C1orf232: variants seen among roughly 807,000 people sequenced by gnomAD.
The protein encoded by C1orf232 is chromosome 1 open reading frame 230.
A neutral mutation model predicts 12.1 loss-of-function variants in C1orf232; 10 were observed. The observed-to-expected ratio is 0.82, with a 90% CI of 0.51 to 1.40. C1orf232 has a LOEUF of 1.40. C1orf232 is among the 40% of genes most tolerant of loss of function. The pLI is 0.00. For missense variants in C1orf232, 88 were observed against 98.4 expected (o/e 0.89, Z 0.45); for synonymous variants, 36 against 39.8 (o/e 0.90, Z 0.36).
Position 26,164,660 on chromosome 1 carries a change from G to A in C1orf232, c.267-205C>T, listed in dbSNP as rs2088406311. Among the ~76,000 whole-genome samples the A allele has an allele frequency of 6.6e-6, 1 of 152,128 alleles. No homozygotes were observed. Among genetic ancestry groups the A allele is most frequent in the Non-Finnish European group, 1.5e-5 (1 of 68,018 alleles). On this transcript the variant is annotated intron_variant, in intron 3 of 3. Transcript: ENST00000634842. The surrounding 1 kb of genome is among the most constrained non-coding windows in gnomAD (Gnocchi z 4.2). ...GGCAAGGGGAGGGCTCAGAGGCCCTGGGAAAGGGGTCTGGGGTGGGACAGG... is the reference window on the plus strand; with the variant it reads ...GGCAAGGGGAGGGCTCAGAGGCCCTAGGAAAGGGGTCTGGGGTGGGACAGG...
At chr1:26,166,161 G>A (rs963248317) in intron 1 of C1orf232, 43 bp from the exon 2 acceptor site, 2 of 1,220,796 alleles carry the variant, frequency 1.6e-6, no homozygotes, top group Non-Finnish European at 2.0e-6. Context: ...AGGCCGCAGA[G>A]GAGTGAGATC....
rs1427278075 is a variant in C1orf232, at chr1:26,168,800, G to A, written c.-301C>T. 6.6e-6 allele frequency among the ~76,000 whole-genome samples: 1 copy of A among 152,180 alleles called. No individual in the cohort carries two copies. The highest frequency in any genetic ancestry group is 1.5e-5 in the Non-Finnish European group (1 of 68,050). ...AGAGAGGCTTTCTTCCTGGGCCTAG[G>A]AGTACTTGAGTTGTTCATCTCTTAG... On this transcript the variant is annotated 5_prime_UTR_variant, in exon 1 of 4. Coordinates refer to ENST00000634842, the MANE Select transcript of C1orf232 (RefSeq NM_001364669.2).
At chr1:26,166,882 T>C (rs1183877447) in intron 1 of C1orf232, among the ~76,000 whole-genome samples, 1 of 152,094 alleles carries the variant, frequency 6.6e-6, no homozygotes, top group Non-Finnish European at 1.5e-5. Context: ...ACAAAACCTC[T>C]CCACCCAACC....
intron 1 of C1orf232, among the ~76,000 whole-genome samples, chr1:26,167,305 G>A (rs780757396): frequency 1.6e-4 from 24 of 152,248 alleles, no homozygotes; most frequent in Admixed American, 1.0e-3. Flanking sequence ...CAATCCACCC[G>A]CCTCAGCCTG....
At position 26,168,353 on chromosome 1, in the gene C1orf232, A is replaced by G. The variant is rs1569858532; in HGVS notation, c.84+63T>C. On this transcript the variant is annotated intron_variant, in intron 1 of 3. Transcript: ENST00000634842. The stretch of plus-strand genomic sequence containing the variant: ...CCAAGCCTATCCTGTGCCCCACTTC[A>G]TACTGCTCATTCCTGCTGCCCCTCT... 3.2e-5 allele frequency: 37 copies of G among 1,160,410 alleles called. No homozygotes were observed. The South Asian group carries it at 3.5e-4, about 11-fold the overall frequency. 71.9% of individuals were successfully genotyped at this position (1,160,410 alleles called of 1,614,324 possible).
intron 3 of C1orf232, chr1:26,165,590 A>G (rs2088416828): frequency 3.1e-6 from 2 of 650,074 alleles, no homozygotes; most frequent in African/African-American, 1.9e-5. Flanking sequence ...GTGAGAGCCC[A>G]TAAATACCTT....
At chr1:26,165,944 C>G in intron 2 of C1orf232, 21 bp from the exon 3 acceptor site, 3 of 1,231,728 alleles carry the variant, frequency 2.4e-6, no homozygotes, top group Middle Eastern at 6.2e-4. Flanking sequence ...GGTTGGGAGT[C>G]AGGGAGGGGG....
At position 26,164,406 on chromosome 1, in the gene C1orf232, G is replaced by GCGCCTCCGC. The variant is rs2088401750; in HGVS notation, c.307_315dup (p.Ala103_Ala105dup). 1 of 385,868 alleles carries GCGCCTCCGC rather than the reference G, an allele frequency of 2.6e-6. No individual in the cohort carries two copies. Among genetic ancestry groups the GCGCCTCCGC allele is most frequent in the South Asian group, 1.3e-4 (1 of 7,786 alleles). 23.9% of individuals were successfully genotyped at this position (385,868 alleles called of 1,614,324 possible). ...AACGCGTCCCAGAAGCCCGGGCCGC[G>GCGCCTCCGC]CGCCTCCGCCGCCGCCGCCGCCTGC... On this transcript the variant is annotated inframe_insertion, in exon 4 of 4. Coordinates refer to ENST00000634842, the MANE Select transcript of C1orf232 (RefSeq NM_001364669.2). This position sits in a 1 kb window ranked among gnomAD's most constrained non-coding sequence, Gnocchi z 4.2.
chr1:26,164,108 C>A lies in C1orf232; in HGVS notation c.*53G>T, dbSNP rs1001851921. 3 of 397,942 alleles carry A rather than the reference C, an allele frequency of 7.5e-6. No individual in the cohort carries two copies. Among genetic ancestry groups the A allele is most frequent in the Non-Finnish European group, 1.3e-5 (3 of 225,676 alleles). The allele number at this position is 397,942 out of a possible 1,614,324, so 24.7% of individuals were successfully genotyped here. ...GCACGCGGTCACACAGGCTGTCGGGCCAGGGTTTTTTATCAGGGGTGGGAG... is the reference window on the plus strand; with the variant it reads ...GCACGCGGTCACACAGGCTGTCGGGACAGGGTTTTTTATCAGGGGTGGGAG... On this transcript the variant is annotated 3_prime_UTR_variant, in exon 4 of 4. Coordinates refer to ENST00000634842, the MANE Select transcript of C1orf232 (RefSeq NM_001364669.2). This position sits in a 1 kb window ranked among gnomAD's most constrained non-coding sequence, Gnocchi z 4.2.
At chr1:26,167,789 T>G (rs1158062685) in intron 1 of C1orf232, among the ~76,000 whole-genome samples, 2 of 151,626 alleles carry the variant, frequency 1.3e-5, no homozygotes, top group East Asian at 3.9e-4. Flanking sequence ...GCCTGGCTAC[T>G]TTTTTTTGTA....
chr1:26,165,883 G>T lies in C1orf232; in HGVS notation c.209C>A (p.Ser70Tyr). The T allele has an allele frequency of 8.1e-7, 1 of 1,231,788 alleles. No individual in the cohort carries two copies. The highest frequency in any genetic ancestry group is 1.0e-6 in the Non-Finnish European group (1 of 988,032). The allele number at this position is 1,231,788 out of a possible 1,614,324, so 76.3% of individuals were successfully genotyped here. The change falls in exon 3 of 4, where the codon TCT becomes TAT. Residue 70 changes from serine (S) to tyrosine (Y), a missense_variant. Physicochemically the swap from Ser to Tyr is moderately radical, Grantham distance 144 (BLOSUM62 -2). Coordinates refer to ENST00000634842, the MANE Select transcript of C1orf232 (RefSeq NM_001364669.2). ...ATCTTCATCTTCTTTGTTAAACAGA[G>T]ATGACATTGTCAGCCAGCCTTTCAC... Reference protein sequence around the residue: ...VGVKGWLTMSSLFNKEDEDKL... With the variant: ...VGVKGWLTMSYLFNKEDEDKL...
intron 1 of C1orf232, among the ~76,000 whole-genome samples, chr1:26,167,949 T>G (rs1261780625): frequency 6.6e-6 from 1 of 152,146 alleles, no homozygotes; most frequent in East Asian, 1.9e-4. Flanking sequence ...TGTTGTTGTT[T>G]GTTTGCTTGT....
In C1orf232 at chr1:26,166,103, A is replaced by T; in HGVS notation, c.100T>A (p.Leu34Ile). 8.1e-7 allele frequency: 1 copy of T among 1,231,494 alleles called. No individual in the cohort carries two copies. Among genetic ancestry groups the T allele is most frequent in the Non-Finnish European group, 1.0e-6 (1 of 987,884 alleles). The allele number at this position is 1,231,494 out of a possible 1,614,324, so 76.3% of individuals were successfully genotyped here. The part of the protein sequence containing the change: ...DLAEERENPA[L>I]VGSETAEPTE... The stretch of plus-strand genomic sequence containing the variant: ...GGTTCTGCTGTCTCAGACCCCACTA[A>T]TGCTGGGTTCTCCCTCTGGGACACA... The change falls in exon 2 of 4, where the codon TTA (leucine) becomes ATA (isoleucine). Residue 34 changes from leucine (L) to isoleucine (I), a missense_variant. By Grantham distance (5) the Leu-to-Ile change is conservative. Transcript: ENST00000634842.
At chr1:26,165,267 G>T (rs917714459) in intron 3 of C1orf232, among the ~76,000 whole-genome samples, 2 of 152,082 alleles carry the variant, frequency 1.3e-5, no homozygotes, top group South Asian at 4.1e-4. Context: ...AGCCAGGAGG[G>T]AGACTGAGGT....
intron 3 of C1orf232, 97 bp downstream of exon 3, chr1:26,165,729 C>A: frequency 8.1e-7 from 1 of 1,231,512 alleles, no homozygotes; most frequent in South Asian, 4.1e-5. Flanking sequence ...CCCCAGCCCT[C>A]AGTGGTTAGA....
At chr1:26,166,535 TC>T (rs144081029) in intron 1 of C1orf232, among the ~76,000 whole-genome samples, 30,415 of 152,082 alleles carry the variant, frequency 0.2, 3,238 homozygotes, top group Middle Eastern at 0.27. Flanking sequence ...CAGGCTGGTC[TC>T]GAACTCCTGG....
Position 26,166,067 on chromosome 1 carries a change from TCTC to T in C1orf232, c.133_135del (p.Glu45del), listed in dbSNP as rs1429191355. 2 of 1,231,332 alleles carry T rather than the reference TCTC, an allele frequency of 1.6e-6. No homozygotes were observed. Among genetic ancestry groups the T allele is most frequent in the East Asian group, 6.3e-5 (2 of 31,696 alleles). 76.3% of individuals were successfully genotyped at this position (1,231,332 alleles called of 1,614,324 possible). ...GCCAGCTGTGACATGGGATTGAAGGTCTCCTCGGTCGGTTCTGCTGTCTCAGAC... is the reference window on the plus strand; with the variant it reads ...GCCAGCTGTGACATGGGATTGAAGGTCTCGGTCGGTTCTGCTGTCTCAGAC... On this transcript the variant is annotated inframe_deletion, in exon 2 of 4. Coordinates refer to ENST00000634842, the MANE Select transcript of C1orf232 (RefSeq NM_001364669.2).
chr1:26,165,532 C>G (rs1557611960), intron 3 of C1orf232, among the ~76,000 whole-genome samples: 1 of 152,200 alleles, frequency 6.6e-6, no homozygotes, highest in Non-Finnish European at 1.5e-5. Context: ...TAAAGGTATT[C>G]TGCGTTCTTG....
At chr1:26,167,403 T>C (rs2088437525) in intron 1 of C1orf232, among the ~76,000 whole-genome samples, 1 of 152,168 alleles carries the variant, frequency 6.6e-6, no homozygotes, top group Non-Finnish European at 1.5e-5. Context: ...TCACCCAGGC[T>C]GGTCTCGAAA....
Sources: gnomAD v4.1 joint callset for allele counts (sites outside exome capture counted in the v4.1 genomes callset) on GRCh38, gnomAD v4.1.1 for gene constraint, Gnocchi (gnomAD v3.1) non-coding constraint, MANE v1.5 for transcripts, NCBI Gene and HGNC (gene_info 2026-07-23, HGNC 2026-07-21) for gene names.